Variants in GPR158 observed in about 807,000 individuals in gnomAD.
GPR158 encodes metabotropic glycine receptor.
Under a neutral mutation model 78.2 loss-of-function variants are expected in GPR158, and 30 were observed. The ratio of observed to expected loss-of-function variants is 0.38; its 90% CI spans 0.29 to 0.52. The LOEUF (loss-of-function observed/expected upper bound fraction) is 0.52. Among genes scored for constraint, GPR158 ranks in the 20% least tolerant of loss-of-function variants. The probability of loss-of-function intolerance (pLI) is 0.83; values close to 1 mark genes in which losing one functional copy is unlikely to be tolerated. For synonymous variants in GPR158, 581 were observed against 591.1 expected (o/e 0.98, Z 0.25); for missense variants, 1,463 against 1,523.5 (o/e 0.96, Z 0.66).
At chr10:25,249,173 C>T (rs1352437226) in intron 2 of GPR158, among the ~76,000 whole-genome samples, 3 of 152,094 alleles carry the variant, frequency 2.0e-5, no homozygotes, top group Non-Finnish European at 2.9e-5. Flanking sequence ...TCTCCTGAGA[C>T]TTTGCTGAAG....
Position 25,594,587 on chromosome 10 carries a change from T to C in GPR158, c.1998+190T>C, listed in dbSNP as rs114307880. ...CTTCTTAAATAATTTTTAAATGCCT[T>C]TGTTTGTACAAAAACCCATCATCTG... On this transcript the variant is annotated intron_variant, in intron 9 of 10. Coordinates refer to ENST00000376351, the MANE Select transcript of GPR158 (RefSeq NM_020752.3). 5.4e-3 allele frequency among the ~76,000 whole-genome samples: 818 copies of C among 152,204 alleles called. 5 individuals carry two copies. The highest frequency in any genetic ancestry group is 0.019 in the African/African-American group (782 of 41,560).
chr10:25,246,212 C>T (rs1232419331), intron 2 of GPR158, among the ~76,000 whole-genome samples: 1 of 152,068 alleles, frequency 6.6e-6, no homozygotes, highest in Non-Finnish European at 1.5e-5. Flanking sequence ...TCTTTCTGAG[C>T]AAGTAGTAAT....
chr10:25,499,216 C>T (rs1358489313), intron 5 of GPR158, among the ~76,000 whole-genome samples: 4 of 148,554 alleles, frequency 2.7e-5, no homozygotes, highest in Admixed American at 2.7e-4. Context: ...TCACAAAAAA[C>T]CAATAACATC....
intron 5 of GPR158, among the ~76,000 whole-genome samples, chr10:25,467,715 G>A (rs921141657): frequency 1.3e-5 from 2 of 152,098 alleles, no homozygotes; most frequent in Non-Finnish European, 2.9e-5. Flanking sequence ...GGCTGGTCTG[G>A]GTGGAAAGTA....
chr10:25,317,173 T>C (rs1854867321), intron 2 of GPR158, among the ~76,000 whole-genome samples: 1 of 151,752 alleles, frequency 6.6e-6, no homozygotes, highest in Non-Finnish European at 1.5e-5. Context: ...GTCTCCTGAG[T>C]AATTGGGATT....
intron 5 of GPR158, among the ~76,000 whole-genome samples, chr10:25,496,378 T>TC (rs924117953): frequency 2.6e-5 from 4 of 152,208 alleles, no homozygotes; most frequent in African/African-American, 9.7e-5. Context: ...TGACCATGGC[T>TC]CACCTTACAG....
intron 2 of GPR158, among the ~76,000 whole-genome samples, chr10:25,287,524 T>A (rs1461385242): frequency 6.6e-6 from 1 of 152,166 alleles, no homozygotes; most frequent in Non-Finnish European, 1.5e-5. Context: ...AAGAAGAGCA[T>A]GCAGGTGGTG....
intron 2 of GPR158, among the ~76,000 whole-genome samples, chr10:25,274,803 G>A (rs1308714359): frequency 1.3e-5 from 2 of 152,112 alleles, no homozygotes; most frequent in African/African-American, 2.4e-5. Context: ...GTGTTCTTTG[G>A]TGTATTGTAG....
Position 25,176,044 on chromosome 10 carries a change from C to A in GPR158, c.624C>A (p.Ser208=). 1 of 1,609,310 alleles carries A rather than the reference C, an allele frequency of 6.2e-7. No homozygotes were observed. Among genetic ancestry groups the A allele is most frequent in the Non-Finnish European group, 8.5e-7 (1 of 1,178,298 alleles). Residue 208 remains serine, a synonymous_variant, in exon 1 of 11, where the codon TCC becomes TCA. Coordinates refer to ENST00000376351, the MANE Select transcript of GPR158 (RefSeq NM_020752.3). The surrounding 1 kb of genome is among the most constrained non-coding windows in gnomAD (Gnocchi z 6.3). ...GCATCCTGCTCCAAGACCTGTCCTC[C>A]TCCGCACCCCACCTGGCCAACGCCA... is the stretch of plus-strand genomic sequence containing the variant. The part of the protein sequence containing the change: ...ESRILLQDLS[S]SAPHLANATL...
At chr10:25,396,910 G>A (rs1174482770) in intron 3 of GPR158, among the ~76,000 whole-genome samples, 1 of 152,136 alleles carries the variant, frequency 6.6e-6, no homozygotes, top group Non-Finnish European at 1.5e-5. Context: ...TTGTAGGCCT[G>A]AGGCCCTTAT....
At chr10:25,344,603 C>G (rs1421847037) in intron 2 of GPR158, among the ~76,000 whole-genome samples, 1 of 152,002 alleles carries the variant, frequency 6.6e-6, no homozygotes, top group African/African-American at 2.4e-5. Flanking sequence ...ATTAAAAATA[C>G]TGAAGTCTAA....
intron 5 of GPR158, among the ~76,000 whole-genome samples, chr10:25,509,685 G>A (rs1836058097): frequency 6.6e-6 from 1 of 152,138 alleles, no homozygotes; most frequent in Non-Finnish European, 1.5e-5. Context: ...ACACAACCAG[G>A]TGTAAGCTGT....
intron 3 of GPR158, among the ~76,000 whole-genome samples, chr10:25,399,354 C>T (rs577800167): frequency 1.4e-4 from 22 of 152,272 alleles, no homozygotes; most frequent in Non-Finnish European, 2.6e-4. Flanking sequence ...ACAGTATTAA[C>T]GCCCAAACTC....
intron 2 of GPR158, among the ~76,000 whole-genome samples, chr10:25,292,918 G>T (rs890565886): frequency 6.6e-6 from 1 of 152,158 alleles, no homozygotes; most frequent in Non-Finnish European, 1.5e-5. Flanking sequence ...AATGATAAAA[G>T]TAACAAGAGT....
chr10:25,410,520 G>A (rs1834569320), intron 3 of GPR158, among the ~76,000 whole-genome samples: 1 of 152,162 alleles, frequency 6.6e-6, no homozygotes, highest in African/African-American at 2.4e-5. Context: ...GGAAGCCGAG[G>A]CAGGAGAATC....
In GPR158 at chr10:25,175,980, C is replaced by T. The variant is rs1852525396; in HGVS notation, c.560C>T (p.Ala187Val). The change falls in exon 1 of 11, where the codon GCC becomes GTC. Residue 187 changes from alanine to valine, a missense_variant. By Grantham distance (64) the Ala-to-Val change is moderately conservative (BLOSUM62 0). Coordinates refer to ENST00000376351, the MANE Select transcript of GPR158 (RefSeq NM_020752.3). The surrounding 1 kb of genome is among the most constrained non-coding windows in gnomAD (Gnocchi z 6.4). The stretch of plus-strand genomic sequence containing the variant: ...AGCACCGATTCGCTGTCCGCACCGG[C>T]CCCACAGGTCTTCCTCCAGGCCACG... Reference protein sequence around the residue: ...TFSTDSLSAPAPQVFLQATRE... With the variant: ...TFSTDSLSAPVPQVFLQATRE... 6.2e-7 allele frequency: 1 copy of T among 1,613,346 alleles called. No homozygotes were observed. Among genetic ancestry groups the T allele is most frequent in the African/African-American group, 1.3e-5 (1 of 75,056 alleles).
intron 2 of GPR158, among the ~76,000 whole-genome samples, chr10:25,246,683 A>G (rs1853694674): frequency 6.6e-6 from 1 of 152,212 alleles, no homozygotes. Context: ...AATGATCAGT[A>G]AAGAAACTTC....
At chr10:25,252,227 C>G (rs1029179202) in intron 2 of GPR158, among the ~76,000 whole-genome samples, 5 of 150,478 alleles carry the variant, frequency 3.3e-5, no homozygotes, top group Non-Finnish European at 7.5e-5. Flanking sequence ...AAATTTTTTT[C>G]AAAGTTTTCA....
intron 2 of GPR158, among the ~76,000 whole-genome samples, chr10:25,290,970 G>T (rs1271644590): frequency 2.6e-5 from 4 of 151,904 alleles, no homozygotes; most frequent in Admixed American, 6.6e-5. Flanking sequence ...TGAAAATAAT[G>T]TCATAGACAA....
Sources: gnomAD v4.1 joint callset for allele counts (sites outside exome capture counted in the v4.1 genomes callset) on GRCh38, gnomAD v4.1.1 for gene constraint, Gnocchi (gnomAD v3.1) non-coding constraint, MANE v1.5 for transcripts, NCBI Gene and HGNC (gene_info 2026-07-23, HGNC 2026-07-21) for gene names.